The following IHO1 variants were observed in gnomAD, a reference collection of about 807,000 sequenced individuals.
IHO1 encodes the protein interactor of HORMAD1 1.
A neutral mutation model predicts 31.0 loss-of-function variants in IHO1; 13 were observed. That is an observed-to-expected ratio of 0.42 (90% confidence interval 0.27 to 0.67). IHO1 has a LOEUF of 0.67. Ranked by LOEUF, IHO1 falls within the 30% of genes least tolerant of loss-of-function variation. The pLI, the probability that IHO1 is intolerant of heterozygous loss-of-function variation, is 0.24. For missense variants in IHO1, 599 were observed against 687.5 expected, an observed-to-expected ratio of 0.87 and a Z score of 1.44; for synonymous variants, 221 against 248.4, an observed-to-expected ratio of 0.89 and a Z score of 1.04.
At chr3:49,218,310 A>G (rs1225549065) in intron 2 of IHO1, among the ~76,000 whole-genome samples, 1 of 150,394 alleles carries the variant, frequency 6.6e-6, no homozygotes, top group Non-Finnish European at 1.5e-5. Context: ...ATGTCAAGCC[A>G]TGTTGAGCTG....
chr3:49,226,011 G>C (rs922340389), intron 2 of IHO1, among the ~76,000 whole-genome samples: 2 of 152,164 alleles, frequency 1.3e-5, no homozygotes, highest in Admixed American at 1.3e-4. Context: ...TCCAGTGATT[G>C]CCTTGGCATA....
chr3:49,229,952 G>A (rs2046462011), intron 2 of IHO1, among the ~76,000 whole-genome samples: 1 of 152,164 alleles, frequency 6.6e-6, no homozygotes, highest in Admixed American at 6.6e-5. Flanking sequence ...ATGAAATAGG[G>A]TATGTCCCTG....
intron 2 of IHO1, among the ~76,000 whole-genome samples, chr3:49,235,628 T>C (rs1021809497): frequency 2.6e-5 from 4 of 152,122 alleles, no homozygotes; most frequent in African/African-American, 9.7e-5. Context: ...ATTGATCTTT[T>C]AAAAAGATAA....
rs1470408404 is a variant in IHO1 at position 49,244,661 on chromosome 3, G to A, written c.460G>A (p.Glu154Lys). 1.2e-6 allele frequency: 2 copies of A among 1,613,082 alleles called. No individual in the cohort carries two copies. Among genetic ancestry groups the A allele is most frequent in the South Asian group, 1.1e-5 (1 of 91,076 alleles). The change falls in exon 6 of 8, where the codon GAA becomes AAA. Residue 154 changes from glutamate (E) to lysine (K), a missense_variant. Physicochemically the swap from Glu to Lys is moderately conservative, Grantham distance 56. Coordinates refer to ENST00000452691, the MANE Select transcript of IHO1 (RefSeq NM_001135197.2). ...GGTTTCTTAGTTGCAGACGTCTGTGGAAAAGTCTGAGGACCATCTCAGTTC... is the reference window on the plus strand; with the variant it reads ...GGTTTCTTAGTTGCAGACGTCTGTGAAAAAGTCTGAGGACCATCTCAGTTC... The part of the protein sequence containing the change: ...ESILRLQTSV[E>K]KSEDHLSSRS...
At chr3:49,247,726 C>G (rs1052629771) in intron 6 of IHO1, among the ~76,000 whole-genome samples, 6 of 151,794 alleles carry the variant, frequency 4.0e-5, no homozygotes, top group Admixed American at 6.6e-5. Flanking sequence ...GACGTCGAAG[C>G]TGCTGTGAGC....
At chr3:49,210,105 A>G (rs1207991874) in intron 1 of IHO1, among the ~76,000 whole-genome samples, 1 of 149,932 alleles carries the variant, frequency 6.7e-6, no homozygotes. Context: ...CACAGTTTAC[A>G]GAAGCCTTGA....
intron 6 of IHO1, among the ~76,000 whole-genome samples, chr3:49,249,781 C>T (rs2046738630): frequency 6.6e-6 from 1 of 152,124 alleles, no homozygotes; most frequent in African/African-American, 2.4e-5. Context: ...GGAAGAGTAT[C>T]CCTAAAAAAG....
chr3:49,239,731 C>T (rs944394627), intron 3 of IHO1, among the ~76,000 whole-genome samples: 13 of 150,202 alleles, frequency 8.7e-5, no homozygotes, highest in East Asian at 2.0e-4. Flanking sequence ...GGTACGATCT[C>T]GGCTCACCAC....
At chr3:49,226,788 A>G (rs1441560101) in intron 2 of IHO1, among the ~76,000 whole-genome samples, 2 of 152,352 alleles carry the variant, frequency 1.3e-5, no homozygotes, top group East Asian at 3.9e-4. Flanking sequence ...TAAACCCTGT[A>G]GGACATCTAT....
intron 2 of IHO1, among the ~76,000 whole-genome samples, chr3:49,230,561 T>A (rs1575577955): frequency 6.6e-6 from 1 of 152,142 alleles, no homozygotes; most frequent in African/African-American, 2.4e-5. Context: ...TTGTAAAAAA[T>A]TTTCACAGTG....
chr3:49,235,127 C>T lies in IHO1; in HGVS notation c.57-1421C>T, dbSNP rs147790553. Among the ~76,000 whole-genome samples, 89 of 152,026 alleles carry T rather than the reference C, an allele frequency of 5.9e-4. No individual in the cohort carries two copies. In the East Asian group the frequency reaches 0.015, roughly 25 times the overall value. On this transcript the variant is annotated intron_variant, in intron 2 of 7. Transcript: ENST00000452691. ...CCAAAGTGCTAGCTAGGATTACAGG[C>T]GTGAGCCACCGTGCCTGGCCAAGTT...
At chr3:49,202,374 A>G (rs1184748880) in intron 1 of IHO1, among the ~76,000 whole-genome samples, 12 of 136,654 alleles carry the variant, frequency 8.8e-5, no homozygotes, top group African/African-American at 3.1e-4. Flanking sequence ...CGCCCAGGCT[A>G]GAGTGCAGTG....
rs955375386 is a variant in IHO1, at chr3:49,257,361, C to T, written c.*79C>T. 94 of 1,405,218 alleles carry T rather than the reference C, an allele frequency of 6.7e-5. 2 individuals carry two copies. In the South Asian group the frequency reaches 1.2e-3, roughly 17 times the overall value. The allele number at this position is 1,405,218 out of a possible 1,614,324, so 87.0% of individuals were successfully genotyped here. A position where few individuals can be genotyped will look rare whatever the true frequency, so the allele number is the denominator to read the frequency against. On this transcript the variant is annotated 3_prime_UTR_variant, in exon 8 of 8. Coordinates refer to ENST00000452691, the MANE Select transcript of IHO1 (RefSeq NM_001135197.2). ...TTGGGCTGGCCAACAGCAGAAAGTCCCTGAAGCCTGCCAAGTACCCAGGGT... is the reference window on the plus strand; with the variant it reads ...TTGGGCTGGCCAACAGCAGAAAGTCTCTGAAGCCTGCCAAGTACCCAGGGT...
At chr3:49,208,819 A>G (rs1314324366) in intron 1 of IHO1, among the ~76,000 whole-genome samples, 1 of 152,152 alleles carries the variant, frequency 6.6e-6, no homozygotes, top group Admixed American at 6.5e-5. Context: ...AAAATCCACT[A>G]CCAACAGAGA....
Position 49,243,757 on chromosome 3 carries a change from C to CAA in IHO1, c.396-627_396-626dup, listed in dbSNP as rs1158612762. Reference sequence around the variant, plus strand: ...TGGGTGACGGAGCGAGACTCTGTCTCAAAAAAAAAAAAAAAAAAAAAGAGT... The same window carrying CAA: ...TGGGTGACGGAGCGAGACTCTGTCTCAAAAAAAAAAAAAAAAAAAAAAAGAGT... On this transcript the variant is annotated intron_variant, in intron 4 of 7. Coordinates refer to ENST00000452691, the MANE Select transcript of IHO1 (RefSeq NM_001135197.2). Among the ~76,000 whole-genome samples, 322 of 44,220 alleles carry CAA rather than the reference C, an allele frequency of 7.3e-3. 8 individuals carry two copies. Among genetic ancestry groups the CAA allele is most frequent in the African/African-American group, 0.023 (268 of 11,516 alleles). 29.0% of individuals were successfully genotyped at this position (44,220 alleles called of 152,430 possible).
chr3:49,195,836 T>A (rs1180209422), upstream of IHO1, among the ~76,000 whole-genome samples: 1 of 149,748 alleles, frequency 6.7e-6, no homozygotes, highest in East Asian at 2.0e-4. Context: ...GCGCGGTGGC[T>A]AACGCCTGTA....
At chr3:49,213,479 G>C (rs2046247526) in intron 2 of IHO1, among the ~76,000 whole-genome samples, 1 of 152,264 alleles carries the variant, frequency 6.6e-6, no homozygotes, top group Non-Finnish European at 1.5e-5. Flanking sequence ...GCTTCACCTA[G>C]TGGATCCTGC....
At chr3:49,223,962 G>A (rs887912689) in intron 2 of IHO1, among the ~76,000 whole-genome samples, 18 of 152,122 alleles carry the variant, frequency 1.2e-4, no homozygotes, top group Non-Finnish European at 2.5e-4. Flanking sequence ...TGGACCAAAG[G>A]ATTCTTCCTT....
intron 1 of IHO1, among the ~76,000 whole-genome samples, chr3:49,202,043 A>G (rs974563290): frequency 6.6e-6 from 1 of 152,182 alleles, no homozygotes. Flanking sequence ...CAGAGCTCCT[A>G]TTATGTTCCA....
Sources: allele counts gnomAD v4.1 joint callset (sites outside exome capture counted in the v4.1 genomes callset), GRCh38; gene constraint gnomAD v4.1.1; transcripts MANE v1.5; gene names NCBI Gene and HGNC (gene_info 2026-07-23, HGNC 2026-07-21).